Variants in ZNF385B observed in about 807,000 individuals in gnomAD.
The protein encoded by ZNF385B is zinc finger protein 385B.
Under a neutral mutation model 39.2 loss-of-function variants are expected in ZNF385B, and 23 were observed. The observed-to-expected ratio is 0.59, with a 90% CI of 0.42 to 0.83. The LOEUF (loss-of-function observed/expected upper bound fraction) is 0.83, where lower values mean the gene tolerates loss of function less well. Among genes scored for constraint, ZNF385B ranks in the 40% least tolerant of loss-of-function variants. ZNF385B has a pLI of 0.00. For missense variants in ZNF385B, 552 were observed against 598.9 expected (o/e 0.92, Z 0.82); for synonymous variants, 205 against 222.6 (o/e 0.92, Z 0.70).
intron 5 of ZNF385B, among the ~76,000 whole-genome samples, chr2:179,515,111 A>C (rs2057999449): frequency 6.6e-6 from 1 of 152,136 alleles, no homozygotes. Context: ...ATGATTTTGA[A>C]CTATGAATAT....
chr2:179,695,456 T>G (rs766996985), intron 3 of ZNF385B, among the ~76,000 whole-genome samples: 1 of 152,058 alleles, frequency 6.6e-6, no homozygotes, highest in Non-Finnish European at 1.5e-5. Context: ...GAAACTTGTT[T>G]CTAGAATATA....
At chr2:179,717,137 C>CA (rs752495169) in intron 3 of ZNF385B, among the ~76,000 whole-genome samples, 172 of 150,614 alleles carry the variant, frequency 1.1e-3, no homozygotes, top group Non-Finnish European at 1.8e-3. Context: ...AATGAATATT[C>CA]AAAAAAAAAT....
intron 3 of ZNF385B, among the ~76,000 whole-genome samples, chr2:179,716,453 A>G (rs571394457): frequency 6.6e-6 from 1 of 152,290 alleles, no homozygotes; most frequent in Non-Finnish European, 1.5e-5. Context: ...TTCTTGGGAA[A>G]ATGCTTTAGA....
intron 3 of ZNF385B, among the ~76,000 whole-genome samples, chr2:179,701,366 T>C (rs1353106513): frequency 3.9e-5 from 6 of 152,244 alleles, no homozygotes; most frequent in South Asian, 4.1e-4. Context: ...AAGAGTTCCA[T>C]TGTATTCTTA....
At chr2:179,495,249 G>A (rs908788940) in intron 5 of ZNF385B, among the ~76,000 whole-genome samples, 1 of 152,318 alleles carries the variant, frequency 6.6e-6, no homozygotes, top group East Asian at 1.9e-4. Flanking sequence ...GGCCTAAGGT[G>A]GTGGTGGCTA....
chr2:179,523,784 T>G (rs538111047), intron 4 of ZNF385B, among the ~76,000 whole-genome samples: 1 of 152,150 alleles, frequency 6.6e-6, no homozygotes, highest in South Asian at 2.1e-4. Context: ...TGTACAGGAC[T>G]TTCTTTTATC....
intron 4 of ZNF385B, among the ~76,000 whole-genome samples, chr2:179,524,794 A>G (rs2058779092): frequency 6.6e-6 from 1 of 152,150 alleles, no homozygotes; most frequent in Non-Finnish European, 1.5e-5. Context: ...TGAGAGGCAC[A>G]AAAAGGTCTG....
chr2:179,540,713 G>T (rs1284697746), intron 4 of ZNF385B, among the ~76,000 whole-genome samples: 5 of 152,082 alleles, frequency 3.3e-5, no homozygotes, highest in Admixed American at 3.3e-4. Context: ...ATAAGATAGA[G>T]CCCCTGTCCT....
intron 3 of ZNF385B, among the ~76,000 whole-genome samples, chr2:179,627,481 G>C (rs575528889): frequency 3.3e-5 from 5 of 152,288 alleles, no homozygotes; most frequent in Non-Finnish European, 7.4e-5. Flanking sequence ...AGCTGAACAA[G>C]AGGAAACAGA....
intron 3 of ZNF385B, among the ~76,000 whole-genome samples, chr2:179,767,399 C>T (rs1703765308): frequency 6.6e-6 from 1 of 152,186 alleles, no homozygotes; most frequent in Non-Finnish European, 1.5e-5. Context: ...AGGGTAGAAG[C>T]TCATGTGCCC....
intron 4 of ZNF385B, among the ~76,000 whole-genome samples, chr2:179,540,711 G>C (rs1441474895): frequency 6.6e-6 from 1 of 152,088 alleles, no homozygotes; most frequent in African/African-American, 2.4e-5. Context: ...GAATAAGATA[G>C]AGCCCCTGTC....
chr2:179,594,721 G>A (rs1016212521), intron 3 of ZNF385B, among the ~76,000 whole-genome samples: 1 of 151,826 alleles, frequency 6.6e-6, no homozygotes, highest in South Asian at 2.1e-4. Context: ...AAGTAAGTAG[G>A]ACTCTCCTCT....
chr2:179,522,517 C>T (rs909366370), intron 4 of ZNF385B, among the ~76,000 whole-genome samples: 1 of 73,248 alleles, frequency 1.4e-5, no homozygotes, highest in Non-Finnish European at 3.1e-5. Context: ...CATTTTAGTA[C>T]AGTCAAAACT....
At chr2:179,477,215 G>A (rs1251581672) in intron 6 of ZNF385B, among the ~76,000 whole-genome samples, 3 of 152,086 alleles carry the variant, frequency 2.0e-5, no homozygotes, top group Admixed American at 6.5e-5. Context: ...ATGATGAGGC[G>A]AGGGTCTCCA....
intron 3 of ZNF385B, among the ~76,000 whole-genome samples, chr2:179,606,180 T>C (rs1688785492): frequency 1.3e-5 from 2 of 152,182 alleles, no homozygotes; most frequent in Non-Finnish European, 1.5e-5. Context: ...AATGATCAAC[T>C]AGCAGAAAAC....
chr2:179,748,214 G>A (rs1004051193), intron 3 of ZNF385B, among the ~76,000 whole-genome samples: 2 of 151,966 alleles, frequency 1.3e-5, no homozygotes, highest in African/African-American at 2.4e-5. Flanking sequence ...AATAATGCAC[G>A]ATGACAAAAC....
chr2:179,839,686 G>A (rs1708443032), intron 1 of ZNF385B, among the ~76,000 whole-genome samples: 1 of 152,142 alleles, frequency 6.6e-6, no homozygotes, highest in African/African-American at 2.4e-5. Context: ...CTATTTACAA[G>A]CACACAGTCA....
At chr2:179,761,221 T>C (rs980972584) in intron 3 of ZNF385B, among the ~76,000 whole-genome samples, 3 of 152,214 alleles carry the variant, frequency 2.0e-5, no homozygotes, top group Non-Finnish European at 2.9e-5. Context: ...CTAAACTAGC[T>C]AAAAGGTCTG....
chr2:179,792,959 C>T (rs1705436428), intron 1 of ZNF385B, among the ~76,000 whole-genome samples: 1 of 152,160 alleles, frequency 6.6e-6, no homozygotes, highest in South Asian at 2.1e-4. Flanking sequence ...CTGAGGGTAT[C>T]ACCCAGTGTC....
Sources: gnomAD v4.1 joint callset for allele counts (sites outside exome capture counted in the v4.1 genomes callset) on GRCh38, gnomAD v4.1.1 for gene constraint, MANE v1.5 for transcripts, NCBI Gene and HGNC (gene_info 2026-07-23, HGNC 2026-07-21) for gene names.